The following XKR4 variants were observed in gnomAD, a reference collection of about 807,000 sequenced individuals.
The protein encoded by XKR4 is XK-related protein 4.
Under a neutral mutation model 53.9 loss-of-function variants are expected in XKR4, and 12 were observed. That is an observed-to-expected ratio of 0.22 (90% CI 0.14 to 0.36). XKR4 has a LOEUF of 0.36. Among genes scored for constraint, XKR4 ranks in the 10% least tolerant of loss-of-function variants. XKR4 has a pLI of 1.00. For synonymous variants in XKR4, 354 were observed against 362.4 expected (o/e 0.98, Z 0.26); for missense variants, 799 against 859.5 (o/e 0.93, Z 0.88).
At chr8:55,146,479 A>G (rs1344213948) in intron 1 of XKR4, among the ~76,000 whole-genome samples, 1 of 152,244 alleles carries the variant, frequency 6.6e-6, no homozygotes, top group African/African-American at 2.4e-5. Flanking sequence ...TTCTGCAGTG[A>G]TAGAACTGAT....
At chr8:55,249,377 T>A (rs961350993) in intron 1 of XKR4, among the ~76,000 whole-genome samples, 1 of 152,194 alleles carries the variant, frequency 6.6e-6, no homozygotes. Context: ...AGACGCTTTA[T>A]CTACTCAAGT....
At chr8:55,103,529 A>G (rs1029875106) in intron 1 of XKR4, among the ~76,000 whole-genome samples, 3 of 151,788 alleles carry the variant, frequency 2.0e-5, no homozygotes, top group Admixed American at 2.0e-4. Flanking sequence ...CGATCACCTC[A>G]TCCCTTCTGT....
chr8:55,473,367 T>A (rs1805918842), intron 2 of XKR4, among the ~76,000 whole-genome samples: 1 of 151,468 alleles, frequency 6.6e-6, no homozygotes, highest in South Asian at 2.1e-4. Context: ...AACAACCCTA[T>A]CTTATTTATT....
At position 55,523,757 on chromosome 8, in the gene XKR4, G is replaced by T. The variant is rs775369311; in HGVS notation, c.1483G>T (p.Val495Leu). The T allele has an allele frequency of 6.2e-7, 1 of 1,614,146 alleles. No homozygotes were observed. Among genetic ancestry groups the T allele is most frequent in the South Asian group, 1.1e-5 (1 of 91,080 alleles). Residue 495 changes from valine to leucine, a missense_variant, in exon 3 of 3, where the codon GTG (valine) becomes TTG (leucine). Around this residue, in one of 3 missense-constraint regions of XKR4, gnomAD observed 269 missense variants for 264.4 expected, o/e 1.02. Coordinates refer to ENST00000327381, the MANE Select transcript of XKR4 (RefSeq NM_052898.2). ...ATTTGCCATTCCAGCGCTGTGTGTG[G>T]TGTTCAGCAGCTTTTTAACTGGCGT... ...DAFAIPALCV[V>L]FSSFLTGVVF...
intron 2 of XKR4, chr8:55,450,696 C>T: frequency 1.7e-6 from 1 of 584,246 alleles, no homozygotes; most frequent in East Asian, 4.0e-5. Flanking sequence ...TGTGGGCTCC[C>T]CCGTGGCTGA....
chr8:55,116,409 A>C (rs900649385), intron 1 of XKR4, among the ~76,000 whole-genome samples: 13 of 152,150 alleles, frequency 8.5e-5, no homozygotes, highest in African/African-American at 3.1e-4. Flanking sequence ...CCCTCCTCAC[A>C]GTGACCCCTG....
intron 2 of XKR4, among the ~76,000 whole-genome samples, chr8:55,441,352 TTAA>T (rs1805263481): frequency 1.3e-5 from 2 of 152,106 alleles, no homozygotes; most frequent in South Asian, 4.1e-4. Flanking sequence ...TTACAGGCAT[TTAA>T]TAATATACCA....
At chr8:55,368,163 GT>G (rs1804020587) in intron 2 of XKR4, among the ~76,000 whole-genome samples, 1 of 152,088 alleles carries the variant, frequency 6.6e-6, no homozygotes, top group African/African-American at 2.4e-5. Context: ...GTTTCACCAT[GT>G]TGGCCAGGCT....
chr8:55,206,787 G>A (rs1433962546), intron 1 of XKR4, among the ~76,000 whole-genome samples: 1 of 152,130 alleles, frequency 6.6e-6, no homozygotes, highest in Admixed American at 6.5e-5. Context: ...TTCGTGGTCA[G>A]GAGTAAAGAT....
intron 1 of XKR4, among the ~76,000 whole-genome samples, chr8:55,236,007 C>T (rs1050123369): frequency 5.9e-5 from 9 of 152,174 alleles, no homozygotes; most frequent in Non-Finnish European, 2.9e-5. Flanking sequence ...ATATTTAGAA[C>T]CCCAAAGCTT....
At chr8:55,128,870 G>A (rs996612444) in intron 1 of XKR4, among the ~76,000 whole-genome samples, 1 of 143,870 alleles carries the variant, frequency 7.0e-6, no homozygotes, top group Non-Finnish European at 1.5e-5. Context: ...CTGTTATTCA[G>A]GATGTTGAAA....
At chr8:55,145,629 G>A (rs1353249847) in intron 1 of XKR4, among the ~76,000 whole-genome samples, 2 of 152,182 alleles carry the variant, frequency 1.3e-5, no homozygotes, top group African/African-American at 4.8e-5. Flanking sequence ...TTGAATAGTT[G>A]CAATATATAC....
Position 55,511,821 on chromosome 8 carries a change from G to GA in XKR4, c.1007-11453dup, listed in dbSNP as rs201879877. ...GCATTTCTTTTATATCTCTAAGGAA[G>GA]AAAAAAATATTTATTCTGTAGCTCG... On this transcript the variant is annotated intron_variant, in intron 2 of 2. Transcript: ENST00000327381. 4.8e-3 allele frequency among the ~76,000 whole-genome samples: 731 copies of GA among 152,154 alleles called. 7 individuals are homozygous for GA. The highest frequency in any genetic ancestry group is 0.016 in the African/African-American group (674 of 41,520).
chr8:55,183,348 G>T (rs1008031162), intron 1 of XKR4, among the ~76,000 whole-genome samples: 7 of 151,558 alleles, frequency 4.6e-5, no homozygotes, highest in African/African-American at 1.7e-4. Context: ...TTTTGAAAAT[G>T]TAATCATCAA....
At chr8:55,360,813 G>A (rs1377609522) in intron 2 of XKR4, among the ~76,000 whole-genome samples, 1 of 152,214 alleles carries the variant, frequency 6.6e-6, no homozygotes, top group Non-Finnish European at 1.5e-5. Flanking sequence ...TCTCTTCGTG[G>A]AAGCTGGGTA....
At chr8:55,259,996 T>C (rs1003418612) in intron 1 of XKR4, among the ~76,000 whole-genome samples, 3 of 150,860 alleles carry the variant, frequency 2.0e-5, no homozygotes, top group Non-Finnish European at 3.0e-5. Flanking sequence ...TTAACACTTA[T>C]CACTATCCAG....
At chr8:55,478,088 C>T (rs962304671) in intron 2 of XKR4, among the ~76,000 whole-genome samples, 2 of 151,972 alleles carry the variant, frequency 1.3e-5, no homozygotes, top group African/African-American at 4.8e-5. Context: ...AGAGCAACTC[C>T]AAGACACATA....
intron 2 of XKR4, among the ~76,000 whole-genome samples, chr8:55,497,262 T>G (rs1333028431): frequency 6.6e-6 from 1 of 152,202 alleles, no homozygotes; most frequent in Non-Finnish European, 1.5e-5. Flanking sequence ...AATGTATATG[T>G]GCTGATCAAA....
chr8:55,471,380 C>G (rs542152093), intron 2 of XKR4, among the ~76,000 whole-genome samples: 1 of 152,208 alleles, frequency 6.6e-6, no homozygotes, highest in South Asian at 2.1e-4. Flanking sequence ...ACTGCCCACC[C>G]TTTTCCCCTC....
Sources: allele counts gnomAD v4.1 joint callset (sites outside exome capture counted in the v4.1 genomes callset), GRCh38; gene constraint gnomAD v4.1.1; regional missense constraint gnomAD v4.1.1; transcripts MANE v1.5; gene names NCBI Gene and HGNC (gene_info 2026-07-23, HGNC 2026-07-21).